Variants in LRRC43 observed in about 807,000 individuals in gnomAD.
LRRC43 encodes the protein leucine rich repeat containing 43.
LRRC43 carries 62 observed loss-of-function variants against 64.3 expected under a neutral mutation model. That is an observed-to-expected ratio of 0.96 (90% confidence interval 0.79 to 1.19). The LOEUF (loss-of-function observed/expected upper bound fraction) is 1.19, where lower values mean the gene tolerates loss of function less well. Ranked by LOEUF, LRRC43 falls within the 50% of genes most tolerant of loss-of-function variation. LRRC43 has a pLI of 0.00. For missense variants in LRRC43, 868 were observed against 845.0 expected, an observed-to-expected ratio of 1.03 and a Z score of -0.34; for synonymous variants, 422 against 382.3, an observed-to-expected ratio of 1.10 and a Z score of -1.21.
At chr12:122,171,851 G>A (rs1269227103) in intron 1 of LRRC43, among the ~76,000 whole-genome samples, 1 of 152,094 alleles carries the variant, frequency 6.6e-6, no homozygotes. Context: ...TTGCAGGTGT[G>A]AGCCACAGTG....
In LRRC43 at chr12:122,200,183, C is replaced by T. The variant is rs1953818791; in HGVS notation, c.1350-6C>T. The T allele has an allele frequency of 6.2e-7, 1 of 1,612,568 alleles. No individual in the cohort carries two copies. Among genetic ancestry groups the T allele is most frequent in the Admixed American group, 1.7e-5 (1 of 59,766 alleles). On this transcript the variant is annotated splice_region_variant and splice_polypyrimidine_tract_variant and intron_variant, in intron 7 of 11. Coordinates refer to ENST00000339777, the MANE Select transcript of LRRC43 (RefSeq NM_001098519.2). The surrounding 1 kb of genome is among the most constrained non-coding windows in gnomAD (Gnocchi z 4.6). ...GCACCCCCGTCTTCATCCCTCCCTC[C>T]CCAAGGACTGTCCTCTTCAGCACTG... is the stretch of plus-strand genomic sequence containing the variant.
At chr12:122,170,722 A>G (rs1320103580) in intron 1 of LRRC43, among the ~76,000 whole-genome samples, 1 of 152,192 alleles carries the variant, frequency 6.6e-6, no homozygotes, top group South Asian at 2.1e-4. Context: ...CGTGTCTCAG[A>G]GTCCTAACCA....
Position 122,184,709 on chromosome 12 carries a change from G to A in LRRC43, c.341G>A (p.Arg114Gln), listed in dbSNP as rs138682950. The change falls in exon 2 of 12, where the codon CGG (arginine) becomes CAG (glutamine). Residue 114 changes from arginine to glutamine, a missense_variant. Arg to Gln is a conservative substitution (Grantham distance 43). Coordinates refer to ENST00000339777, the MANE Select transcript of LRRC43 (RefSeq NM_001098519.2). This position sits in a 1 kb window ranked among gnomAD's most constrained non-coding sequence, Gnocchi z 4.0. Reference sequence around the variant, plus strand: ...AGTTTCCTGAGAGAATTGGCCATCCGGAACCCGCTGACGATCACAGACACC... The same window carrying A: ...AGTTTCCTGAGAGAATTGGCCATCCAGAACCCGCTGACGATCACAGACACC... Reference protein sequence around the residue: ...EDSFLRELAIRNPLTITDTFF... With the variant: ...EDSFLRELAIQNPLTITDTFF... 2.7e-4 allele frequency: 440 copies of A among 1,613,780 alleles called. 3 individuals carry two copies. The East Asian group carries it at 9.0e-3, about 33-fold the overall frequency.
intron 1 of LRRC43, among the ~76,000 whole-genome samples, chr12:122,175,506 CTTTT>C (rs201236097): frequency 1.4e-5 from 2 of 140,216 alleles, no homozygotes; most frequent in African/African-American, 2.6e-5. Context: ...CTTTTTCTTT[CTTTT>C]TTTTTTTTTT....
In LRRC43 at chr12:122,200,949, T is replaced by A. The variant is rs756384042; in HGVS notation, c.1809+15T>A. ...CGTTGGCCAGGGTACAGCCGGGCCC[T>A]AGCCACATCCTCCACCTCTGCCTTC... On this transcript the variant is annotated intron_variant, in intron 10 of 11. Transcript: ENST00000339777. The surrounding 1 kb of genome is among the most constrained non-coding windows in gnomAD (Gnocchi z 4.6). 6.4e-7 allele frequency: 1 copy of A among 1,574,120 alleles called. No individual in the cohort carries two copies. Among genetic ancestry groups the A allele is most frequent in the Non-Finnish European group, 8.6e-7 (1 of 1,160,662 alleles).
Position 122,183,284 on chromosome 12 carries a change from C to A in LRRC43, c.140C>A (p.Ala47Asp), listed in dbSNP as rs767792586. The change falls in exon 1 of 12, where the codon GCC becomes GAC. Residue 47 changes from alanine to aspartate, a missense_variant. Ala to Asp is a moderately radical substitution (Grantham distance 126, BLOSUM62 -2). Transcript: ENST00000339777. ...KLCLREFPCG[A>D]GSWNKSRFLP... ...TGTCTGCGCGAGTTCCCGTGCGGTG[C>A]CGGCAGCTGGGTGCGGGCGCCGGGG... 7.9e-6 allele frequency: 12 copies of A among 1,525,314 alleles called. No homozygotes were observed. The highest frequency in any genetic ancestry group is 8.7e-6 in the Non-Finnish European group (10 of 1,149,122). The allele number at this position is 1,525,314 out of a possible 1,614,324, so 94.5% of individuals were successfully genotyped here. A position where few individuals can be genotyped will look rare whatever the true frequency, so the allele number is the denominator to read the frequency against.
chr12:122,183,259 T>A lies in LRRC43; in HGVS notation c.115T>A (p.Cys39Ser), dbSNP rs929108511. 3.8e-6 allele frequency: 6 copies of A among 1,561,136 alleles called. No homozygotes were observed. Among genetic ancestry groups the A allele is most frequent in the Non-Finnish European group, 5.2e-6 (6 of 1,163,802 alleles). ...CGTGCGCGAGCACTTGCGGAAGCTG[T>A]GTCTGCGCGAGTTCCCGTGCGGTGC... ...AAVREHLRKL[C>S]LREFPCGAGS... Residue 39 changes from cysteine to serine, a missense_variant, in exon 1 of 12, where the codon TGT becomes AGT. Cys to Ser is a moderately radical substitution (Grantham distance 112). Transcript: ENST00000339777.
At chr12:122,202,674 T>C (rs117972160) in intron 11 of LRRC43, among the ~76,000 whole-genome samples, 1 of 152,228 alleles carries the variant, frequency 6.6e-6, no homozygotes, top group Non-Finnish European at 1.5e-5. Context: ...TCTTTGCGTA[T>C]TGGAAAATTG....
chr12:122,172,638 GC>G, intron 1 of LRRC43: 1 of 1,614,142 alleles, frequency 6.2e-7, no homozygotes, highest in Non-Finnish European at 8.5e-7. Context: ...CTTGAGATAT[GC>G]CCGGATGGCT....
In LRRC43 at chr12:122,190,140, G is replaced by A. The variant is rs188524855; in HGVS notation, c.673G>A (p.Val225Ile). The A allele has an allele frequency of 3.2e-4, 509 of 1,613,952 alleles. 4 individuals carry two copies. The highest frequency in any genetic ancestry group is 2.4e-3 in the South Asian group (216 of 91,068). The change falls in exon 5 of 12, where the codon GTC (valine) becomes ATC (isoleucine). Residue 225 changes from valine to isoleucine, a missense_variant. Transcript: ENST00000339777. ...CTGCTCACCTTCCAGGCCCAACCTC[G>A]TCTCCCTGGACCTGGGCTTCAACGA... ...YVTANHWPNLVSLDLGFNDLT... is the reference protein window; with the variant it reads ...YVTANHWPNLISLDLGFNDLT...
chr12:122,200,453 C>A lies in LRRC43; in HGVS notation c.1492-79C>A. The A allele has an allele frequency of 6.2e-7, 1 of 1,610,434 alleles. No homozygotes were observed. Among genetic ancestry groups the A allele is most frequent in the Non-Finnish European group, 8.5e-7 (1 of 1,177,158 alleles). ...GGTTAGATGAGTTCTCAGCGCCATT[C>A]CAGAAAGGGTGAGGGAGAGGTGACC... is the stretch of plus-strand genomic sequence containing the variant. On this transcript the variant is annotated intron_variant, in intron 8 of 11. Coordinates refer to ENST00000339777, the MANE Select transcript of LRRC43 (RefSeq NM_001098519.2). This position sits in a 1 kb window ranked among gnomAD's most constrained non-coding sequence, Gnocchi z 4.6.
At chr12:122,188,002 T>G in intron 4 of LRRC43, 162 bp downstream of exon 4, 1 of 699,708 alleles carries the variant, frequency 1.4e-6, no homozygotes, top group Non-Finnish European at 2.3e-6. Flanking sequence ...CCCCCTTCAG[T>G]GGGATTTTGT....
rs557096936 is a variant in LRRC43 at position 122,202,613 on chromosome 12, A to AC, written c.1844-702_1844-701insC. On this transcript the variant is annotated intron_variant, in intron 11 of 11. Coordinates refer to ENST00000339777, the MANE Select transcript of LRRC43 (RefSeq NM_001098519.2). ...CAACAGTTGACACCTGTCACTATAC[A>AC]TTTTCCAAAGATCACGTTCTTTACT... is the stretch of plus-strand genomic sequence containing the variant. Among the ~76,000 whole-genome samples, 103 of 152,272 alleles carry AC rather than the reference A, an allele frequency of 6.8e-4. 1 individual carries two copies. Among genetic ancestry groups the AC allele is most frequent in the African/African-American group, 2.4e-3 (100 of 41,542 alleles).
intron 11 of LRRC43, among the ~76,000 whole-genome samples, chr12:122,202,986 G>T (rs1953860867): frequency 6.6e-6 from 1 of 152,086 alleles, no homozygotes; most frequent in Admixed American, 6.5e-5. Flanking sequence ...CAGCTACTTG[G>T]AGGCTGACGC....
chr12:122,194,149 T>C (rs577601519), intron 7 of LRRC43, among the ~76,000 whole-genome samples: 3 of 152,114 alleles, frequency 2.0e-5, no homozygotes, highest in Non-Finnish European at 1.5e-5. Flanking sequence ...AATACATTGT[T>C]ATAATTACTG....
At chr12:122,168,113 C>CA (rs530545923) in intron 1 of LRRC43, among the ~76,000 whole-genome samples, 18 of 136,316 alleles carry the variant, frequency 1.3e-4, no homozygotes, top group African/African-American at 2.2e-4. Context: ...ACACACCTGG[C>CA]AAAAAAAAAT....
chr12:122,189,686 T>C (rs987323804), intron 4 of LRRC43, among the ~76,000 whole-genome samples: 3 of 151,896 alleles, frequency 2.0e-5, no homozygotes, highest in Admixed American at 1.3e-4. Flanking sequence ...TCTGGCTCCC[T>C]CCTCCCACTC....
rs751905167 is a variant in LRRC43, at chr12:122,183,156, G to C, written c.12G>C (p.Ser4=). MEA[S]YESESESESE... is the part of the protein sequence containing the mutation. Reference sequence around the variant, plus strand: ...ACGCGGCCCGGGCCATGGAGGCGTCGTACGAGTCCGAGTCCGAGTCCGAGT... The same window carrying C: ...ACGCGGCCCGGGCCATGGAGGCGTCCTACGAGTCCGAGTCCGAGTCCGAGT... Residue 4 remains serine, a synonymous_variant, in exon 1 of 12, where the codon TCG becomes TCC. Coordinates refer to ENST00000339777, the MANE Select transcript of LRRC43 (RefSeq NM_001098519.2). 4 of 1,547,228 alleles carry C rather than the reference G, an allele frequency of 2.6e-6. No individual in the cohort carries two copies. The highest frequency in any genetic ancestry group is 2.6e-6 in the Non-Finnish European group (3 of 1,153,320).
upstream of LRRC43, among the ~76,000 whole-genome samples, chr12:122,181,820 G>C (rs1285962546): frequency 4.0e-5 from 6 of 151,076 alleles, no homozygotes; most frequent in Admixed American, 4.0e-4. Flanking sequence ...TGATCAGGCT[G>C]GTCTCGAACT....
Sources: allele counts gnomAD v4.1 joint callset (sites outside exome capture counted in the v4.1 genomes callset), GRCh38; gene constraint gnomAD v4.1.1; non-coding constraint Gnocchi (gnomAD v3.1); transcripts MANE v1.5; gene names NCBI Gene and HGNC (gene_info 2026-07-23, HGNC 2026-07-21).